The following TBXAS1 variants were observed in gnomAD, a reference collection of about 807,000 sequenced individuals.
The protein encoded by TBXAS1 is thromboxane-A synthase.
Under a neutral mutation model 60.7 loss-of-function variants are expected in TBXAS1, and 48 were observed. The ratio of observed to expected loss-of-function variants is 0.79; its 90% CI spans 0.63 to 1.01. The LOEUF (loss-of-function observed/expected upper bound fraction) is 1.01. TBXAS1 is among the 50% of genes least tolerant of loss of function. TBXAS1 has a pLI of 0.00. For missense variants in TBXAS1, 685 were observed against 686.3 expected, an observed-to-expected ratio of 1.00 and a Z score of 0.02; for synonymous variants, 287 against 269.7, an observed-to-expected ratio of 1.06 and a Z score of -0.63.
chr7:139,901,424 A>G (rs1012071273), intron 3 of TBXAS1, among the ~76,000 whole-genome samples: 2 of 151,106 alleles, frequency 1.3e-5, no homozygotes, highest in East Asian at 1.9e-4. Context: ...CCTTTAAAAA[A>G]ATCTAGATTA....
intron 4 of TBXAS1, among the ~76,000 whole-genome samples, chr7:139,821,685 G>T (rs575671560): frequency 2.0e-5 from 3 of 152,174 alleles, no homozygotes; most frequent in Non-Finnish European, 4.4e-5. Flanking sequence ...ACAATGAGTG[G>T]CACCTGCAAA....
chr7:139,921,592 A>G (rs1481568084), intron 4 of TBXAS1, among the ~76,000 whole-genome samples: 1 of 152,120 alleles, frequency 6.6e-6, no homozygotes, highest in African/African-American at 2.4e-5. Context: ...GGTCCCAGGT[A>G]CTCAGGAGAC....
intron 3 of TBXAS1, among the ~76,000 whole-genome samples, chr7:139,902,702 G>A (rs1339947112): frequency 6.6e-6 from 1 of 152,126 alleles, no homozygotes; most frequent in Non-Finnish European, 1.5e-5. Context: ...CGGCTTTATG[G>A]TTTTACCTTC....
chr7:139,871,588 C>T (rs1357413448), intron 1 of TBXAS1, among the ~76,000 whole-genome samples: 1 of 152,170 alleles, frequency 6.6e-6, no homozygotes, highest in Non-Finnish European at 1.5e-5. Flanking sequence ...AGAAATCTGT[C>T]GGACCACGCT....
At chr7:139,881,459 C>G (rs1002577417) in intron 3 of TBXAS1, among the ~76,000 whole-genome samples, 1 of 151,986 alleles carries the variant, frequency 6.6e-6, no homozygotes, top group Non-Finnish European at 1.5e-5. Flanking sequence ...CCTTTTTCCC[C>G]CCCTCCAGGA....
At chr7:140,019,953 C>G (rs1815419119) in intron 12 of TBXAS1, 72 bp from the exon 13 acceptor site, 2 of 1,470,188 alleles carry the variant, frequency 1.4e-6, no homozygotes, top group Non-Finnish European at 1.9e-6. Context: ...CCTTCTTGAA[C>G]CTCCAAGTCT....
chr7:139,969,342 T>G (rs891782181), intron 9 of TBXAS1, among the ~76,000 whole-genome samples: 5 of 151,828 alleles, frequency 3.3e-5, no homozygotes, highest in African/African-American at 9.7e-5. Flanking sequence ...TAAAAGAACA[T>G]TCTGTGCTGG....
rs1232524821 is a variant in TBXAS1 at position 139,852,088 on chromosome 7, C to T, written c.90-20147C>T. The stretch of plus-strand genomic sequence containing the variant: ...CAGCTCCATAAGCAAGCATGGACAC[C>T]ATTCTCCAGCTTGACCCTGAACCCA... On this transcript the variant is annotated intron_variant, in intron 1 of 12. Coordinates refer to ENST00000448866, the MANE Select transcript of TBXAS1 (RefSeq NM_001061.7). The surrounding 1 kb of genome is among the most constrained non-coding windows in gnomAD (Gnocchi z 4.4). Among the ~76,000 whole-genome samples, 1 of 152,204 alleles carries T rather than the reference C, an allele frequency of 6.6e-6. No homozygotes were observed. The highest frequency in any genetic ancestry group is 1.5e-5 in the Non-Finnish European group (1 of 68,048).
At chr7:139,907,506 A>G (rs1805197768) in intron 3 of TBXAS1, among the ~76,000 whole-genome samples, 2 of 152,140 alleles carry the variant, frequency 1.3e-5, no homozygotes, top group South Asian at 4.1e-4. Context: ...TTTTGGTATC[A>G]GAGTAAACCT....
intron 10 of TBXAS1, among the ~76,000 whole-genome samples, chr7:140,012,423 A>G (rs1209490601): frequency 6.6e-6 from 1 of 151,520 alleles, no homozygotes; most frequent in Non-Finnish European, 1.5e-5. Flanking sequence ...AAAAGGCTCT[A>G]TCTCATCCTT....
chr7:140,010,080 C>G (rs1374340162), intron 10 of TBXAS1, among the ~76,000 whole-genome samples: 1 of 149,146 alleles, frequency 6.7e-6, no homozygotes, highest in African/African-American at 2.5e-5. Flanking sequence ...CACACCCACA[C>G]CACACCCACC....
chr7:139,925,352 T>A (rs1033923719), intron 4 of TBXAS1, among the ~76,000 whole-genome samples: 3 of 152,224 alleles, frequency 2.0e-5, no homozygotes. Context: ...ATTGTAGAGA[T>A]CTTTTACTTC....
chr7:139,962,320 A>G, intron 9 of TBXAS1, 87 bp downstream of exon 9: 1 of 1,462,760 alleles, frequency 6.8e-7, no homozygotes, highest in Non-Finnish European at 9.5e-7. Flanking sequence ...ATTTTTAATG[A>G]CTTGCTAATA....
chr7:139,848,714 G>T (rs989729439), intron 1 of TBXAS1, among the ~76,000 whole-genome samples: 2 of 152,200 alleles, frequency 1.3e-5, no homozygotes, highest in African/African-American at 2.4e-5. Context: ...AAGCTGCTAA[G>T]ATAATTTCTG....
At chr7:139,875,445 C>A in intron 2 of TBXAS1, 140 bp from the exon 3 acceptor site, 1 of 763,934 alleles carries the variant, frequency 1.3e-6, no homozygotes, top group East Asian at 2.7e-5. Context: ...TTTCAAAGTA[C>A]CTGAAAGCAA....
chr7:139,895,043 A>G (rs1271675327), intron 3 of TBXAS1, among the ~76,000 whole-genome samples: 2 of 152,232 alleles, frequency 1.3e-5, no homozygotes, highest in African/African-American at 2.4e-5. Context: ...GAAACCCAGA[A>G]GAACAGGAAA....
At chr7:139,785,038 T>C (rs889009332) in intron 3 of TBXAS1, among the ~76,000 whole-genome samples, 1 of 152,126 alleles carries the variant, frequency 6.6e-6, no homozygotes, top group African/African-American at 2.4e-5. Context: ...CTCAGGAATC[T>C]CTGGGGGTGG....
intron 4 of TBXAS1, 133 bp downstream of exon 4, chr7:139,911,454 C>T: frequency 1.2e-6 from 1 of 800,154 alleles, no homozygotes. Flanking sequence ...AACTAAGCTC[C>T]TCAGTGAACT....
intron 4 of TBXAS1, among the ~76,000 whole-genome samples, chr7:139,927,656 C>A (rs1299414878): frequency 1.3e-5 from 2 of 152,038 alleles, no homozygotes; most frequent in South Asian, 4.1e-4. Flanking sequence ...GAATGTGGAA[C>A]CTCTATATAT....
Sources: gnomAD v4.1 joint callset for allele counts (sites outside exome capture counted in the v4.1 genomes callset) on GRCh38, gnomAD v4.1.1 for gene constraint, Gnocchi (gnomAD v3.1) non-coding constraint, MANE v1.5 for transcripts, NCBI Gene and HGNC (gene_info 2026-07-23, HGNC 2026-07-21) for gene names.